The following BEND5 variants were observed in gnomAD, a reference collection of about 807,000 sequenced individuals.
The protein encoded by BEND5 is BEN domain containing 5.
A neutral mutation model predicts 43.9 loss-of-function variants in BEND5; 22 were observed. The ratio of observed to expected loss-of-function variants is 0.50; its 90% CI spans 0.36 to 0.72. The LOEUF (loss-of-function observed/expected upper bound fraction) is 0.72. Among genes scored for constraint, BEND5 ranks in the 30% least tolerant of loss-of-function variants. The probability of loss-of-function intolerance (pLI) is 0.00; values close to 1 mark genes in which losing one functional copy is unlikely to be tolerated. For missense variants in BEND5, 428 were observed against 550.6 expected, an observed-to-expected ratio of 0.78 and a Z score of 2.23; for synonymous variants, 228 against 225.9, an observed-to-expected ratio of 1.01 and a Z score of -0.08.
intron 4 of BEND5, among the ~76,000 whole-genome samples, chr1:48,737,271 G>A (rs1180168827): frequency 6.6e-6 from 1 of 152,078 alleles, no homozygotes; most frequent in African/African-American, 2.4e-5. Flanking sequence ...GAGACAGAGC[G>A]AGACTCCGTC....
intron 4 of BEND5, among the ~76,000 whole-genome samples, chr1:48,741,952 A>G (rs1649979590): frequency 6.6e-6 from 1 of 152,244 alleles, no homozygotes; most frequent in Non-Finnish European, 1.5e-5. Flanking sequence ...CCCTGCTGGT[A>G]TATCATCATG....
At chr1:48,761,099 C>T (rs1022797728) in intron 2 of BEND5, 1 of 470,632 alleles carries the variant, frequency 2.1e-6, no homozygotes. Context: ...TGACACTGCA[C>T]AGACTGTGCA....
At chr1:48,764,232 G>A (rs1644417916) in intron 1 of BEND5, among the ~76,000 whole-genome samples, 1 of 152,234 alleles carries the variant, frequency 6.6e-6, no homozygotes, top group African/African-American at 2.4e-5. Flanking sequence ...TGGCATTTGA[G>A]CTAGACTCCT....
At chr1:48,733,343 A>T (rs1648464754) in intron 5 of BEND5, among the ~76,000 whole-genome samples, 1 of 152,152 alleles carries the variant, frequency 6.6e-6, no homozygotes, top group East Asian at 1.9e-4. Context: ...AGCCCCAAAT[A>T]AGGAACTCCT....
At chr1:48,761,603 C>G in intron 1 of BEND5, 133 bp from the exon 2 acceptor site, 1 of 923,576 alleles carries the variant, frequency 1.1e-6, no homozygotes, top group Non-Finnish European at 1.6e-6. Context: ...CAAACAGACT[C>G]AAGGCTGGTT....
chr1:48,760,629 G>T (rs971407798), intron 2 of BEND5, among the ~76,000 whole-genome samples: 2 of 152,228 alleles, frequency 1.3e-5, no homozygotes, highest in African/African-American at 4.8e-5. Flanking sequence ...CGCATAGCAG[G>T]AGTACAATGA....
At chr1:48,729,975 C>T (rs533406292) in intron 5 of BEND5, among the ~76,000 whole-genome samples, 1 of 152,138 alleles carries the variant, frequency 6.6e-6, no homozygotes, top group Non-Finnish European at 1.5e-5. Flanking sequence ...CCTATTCCAC[C>T]TGTCAGGGAC....
At chr1:48,751,648 A>C (rs1362890752) in intron 3 of BEND5, among the ~76,000 whole-genome samples, 1 of 152,224 alleles carries the variant, frequency 6.6e-6, no homozygotes, top group Non-Finnish European at 1.5e-5. Context: ...GGCAAATCCA[A>C]AAAAAACATA....
At position 48,736,393 on chromosome 1, in the gene BEND5, G is replaced by C. The variant is rs764938844; in HGVS notation, c.954C>G (p.Thr318=). Reference sequence around the variant, plus strand: ...TCTTCGTGTACTTGGAATCTCCTTGGGTTACTTGTAGCTGGTGCCATTTCT... The same window carrying C: ...TCTTCGTGTACTTGGAATCTCCTTGCGTTACTTGTAGCTGGTGCCATTTCT... ...DEEKWHQLQV[T]QGDSKYTKNL... Residue 318 remains threonine, a synonymous_variant, in exon 5 of 6, where the codon ACC becomes ACG. Transcript: ENST00000371833. The surrounding 1 kb of genome is among the most constrained non-coding windows in gnomAD (Gnocchi z 4.0). The C allele has an allele frequency of 1.9e-6, 3 of 1,613,912 alleles. No individual in the cohort carries two copies. The highest frequency in any genetic ancestry group is 2.7e-5 in the African/African-American group (2 of 74,834).
chr1:48,769,709 G>C (rs573615399), intron 1 of BEND5, among the ~76,000 whole-genome samples: 2 of 152,226 alleles, frequency 1.3e-5, no homozygotes, highest in Non-Finnish European at 1.5e-5. Flanking sequence ...GTTCCTAACA[G>C]TTATCTATAT....
intron 3 of BEND5, among the ~76,000 whole-genome samples, chr1:48,756,856 G>A (rs10493135): frequency 0.067 from 10,128 of 152,248 alleles, 570 homozygotes; most frequent in East Asian, 0.3. Context: ...GTTGATTTAT[G>A]TTGAGTCCAA....
At chr1:48,754,115 C>T (rs1372165460) in intron 3 of BEND5, among the ~76,000 whole-genome samples, 1 of 152,200 alleles carries the variant, frequency 6.6e-6, no homozygotes, top group African/African-American at 2.4e-5. Context: ...ATTATACTGT[C>T]TAAGTGGTAC....
chr1:48,743,219 G>A (rs971362856), intron 3 of BEND5, among the ~76,000 whole-genome samples: 3 of 152,184 alleles, frequency 2.0e-5, no homozygotes, highest in Non-Finnish European at 4.4e-5. Flanking sequence ...GGGCAAAAAT[G>A]TTAAGGCCTC....
intron 1 of BEND5, among the ~76,000 whole-genome samples, chr1:48,762,190 C>G (rs1409514060): frequency 6.6e-6 from 1 of 152,180 alleles, no homozygotes; most frequent in East Asian, 1.9e-4. Flanking sequence ...AAAGAGGCCT[C>G]TGGCACCTCG....
intron 1 of BEND5, among the ~76,000 whole-genome samples, chr1:48,774,598 T>G (rs1038879885): frequency 1.3e-5 from 2 of 152,232 alleles, no homozygotes; most frequent in Non-Finnish European, 2.9e-5. Context: ...ATGCTTGGGT[T>G]TTTTAAATAA....
chr1:48,750,208 A>G (rs1329484214), intron 3 of BEND5, among the ~76,000 whole-genome samples: 2 of 152,160 alleles, frequency 1.3e-5, no homozygotes, highest in African/African-American at 4.8e-5. Context: ...TCAGGAGTTG[A>G]AGGACTGCAC....
At chr1:48,733,946 C>G (rs944856139) in intron 5 of BEND5, among the ~76,000 whole-genome samples, 9 of 152,118 alleles carry the variant, frequency 5.9e-5, no homozygotes, top group Non-Finnish European at 8.8e-5. Context: ...GATTTTATAC[C>G]ATGTGATAAT....
At position 48,776,662 on chromosome 1, in the gene BEND5, G is replaced by C. The variant is rs532358290; in HGVS notation, c.170C>G (p.Ala57Gly). The change falls in exon 1 of 6, where the codon GCC (alanine) becomes GGC (glycine). Residue 57 changes from alanine (A) to glycine (G), a missense_variant. Ala to Gly is a moderately conservative substitution (Grantham distance 60). Transcript: ENST00000371833. Reference protein sequence around the residue: ...LGAGPESPPRAPRDWGALLLH... With the variant: ...LGAGPESPPRGPRDWGALLLH... ...CAACAGCGCGCCCCAGTCGCGGGGGGCGCGCGGGGGGCTCTCGGGCCCGGC... is the reference window on the plus strand; with the variant it reads ...CAACAGCGCGCCCCAGTCGCGGGGGCCGCGCGGGGGGCTCTCGGGCCCGGC... The C allele has an allele frequency of 6.7e-7, 1 of 1,494,180 alleles. No homozygotes were observed. Among genetic ancestry groups the C allele is most frequent in the Admixed American group, 2.4e-5 (1 of 41,226 alleles). 92.6% of individuals were successfully genotyped at this position (1,494,180 alleles called of 1,614,324 possible).
chr1:48,772,542 G>T (rs566432098), intron 1 of BEND5, among the ~76,000 whole-genome samples: 2 of 152,214 alleles, frequency 1.3e-5, no homozygotes, highest in African/African-American at 4.8e-5. Context: ...GGGGAAGAGA[G>T]AGTGAGGCTG....
Sources: gnomAD v4.1 joint callset for allele counts (sites outside exome capture counted in the v4.1 genomes callset) on GRCh38, gnomAD v4.1.1 for gene constraint, Gnocchi (gnomAD v3.1) non-coding constraint, MANE v1.5 for transcripts, NCBI Gene and HGNC (gene_info 2026-07-23, HGNC 2026-07-21) for gene names.